MYH15: variants seen among roughly 807,000 people sequenced by gnomAD.
MYH15 encodes myosin-15.
A neutral mutation model predicts 240.5 loss-of-function variants in MYH15; 227 were observed. The ratio of observed to expected loss-of-function variants is 0.94; its 90% CI spans 0.85 to 1.05. MYH15 has a LOEUF of 1.05. Among genes scored for constraint, MYH15 ranks in the 50% least tolerant of loss-of-function variants. The probability of loss-of-function intolerance (pLI) is 0.00; values close to 1 mark genes in which losing one functional copy is unlikely to be tolerated. For synonymous variants in MYH15, 785 were observed against 796.7 expected (o/e 0.99, Z 0.25); for missense variants, 2,217 against 2,247.5 (o/e 0.99, Z 0.27).
chr3:108,474,879 A>C (rs963430033), intron 12 of MYH15, among the ~76,000 whole-genome samples: 3 of 152,206 alleles, frequency 2.0e-5, no homozygotes, highest in African/African-American at 7.2e-5. Flanking sequence ...TACGGCTTAC[A>C]GGGCATTGTT....
At chr3:108,451,616 T>C (rs2082974457) in intron 21 of MYH15, among the ~76,000 whole-genome samples, 1 of 152,172 alleles carries the variant, frequency 6.6e-6, no homozygotes, top group Admixed American at 6.5e-5. Context: ...AGACCAGTTA[T>C]AAACTGGTTC....
intron 1 of MYH15, among the ~76,000 whole-genome samples, chr3:108,517,031 C>T (rs2083578514): frequency 1.3e-5 from 2 of 152,166 alleles, no homozygotes; most frequent in South Asian, 4.1e-4. Context: ...TTTTCAGTCT[C>T]TAATCCTACT....
At chr3:108,479,097 G>A (rs1560411923) in intron 11 of MYH15, among the ~76,000 whole-genome samples, 3 of 152,188 alleles carry the variant, frequency 2.0e-5, no homozygotes, top group Non-Finnish European at 4.4e-5. Flanking sequence ...AATGTTTACA[G>A]TTTGCAACCA....
intron 33 of MYH15, among the ~76,000 whole-genome samples, chr3:108,402,468 T>C (rs1242181446): frequency 6.6e-6 from 1 of 152,256 alleles, no homozygotes; most frequent in African/African-American, 2.4e-5. Context: ...TATTTCCTAT[T>C]GTCTATGGCT....
At chr3:108,384,554 A>AT in intron 39 of MYH15, 133 bp downstream of exon 39, 3 of 746,060 alleles carry the variant, frequency 4.0e-6, no homozygotes, top group East Asian at 2.8e-5. Flanking sequence ...GAGAAAAAAA[A>AT]CTGAGGATGA....
At chr3:108,396,346 G>GT (rs35981925) in intron 35 of MYH15, among the ~76,000 whole-genome samples, 1,131 of 15,958 alleles carry the variant, frequency 0.071, 19 homozygotes, top group African/African-American at 0.14. Flanking sequence ...TAGCAGGGTT[G>GT]GGGGGAGACG....
At chr3:108,497,539 AT>A (rs540031988) in intron 6 of MYH15, among the ~76,000 whole-genome samples, 68 of 150,036 alleles carry the variant, frequency 4.5e-4, no homozygotes, top group African/African-American at 1.2e-3. Context: ...ATGAACAAGG[AT>A]TTTTTTTTTA....
chr3:108,494,641 G>T (rs1020823711), intron 7 of MYH15, among the ~76,000 whole-genome samples: 1 of 151,930 alleles, frequency 6.6e-6, no homozygotes, highest in Non-Finnish European at 1.5e-5. Flanking sequence ...CTACAGGTGC[G>T]CACCACCACT....
At chr3:108,544,433 T>C in the MYH15 span, among the ~76,000 whole-genome samples, 5 of 152,174 alleles carry the variant, frequency 3.3e-5, no homozygotes, top group Non-Finnish European at 5.9e-5. Context: ...TGATCATAAG[T>C]TGGGTGGATC....
chr3:108,399,061 C>A lies in MYH15; in HGVS notation c.4929+14G>T, dbSNP rs1263191016. 1.2e-6 allele frequency: 2 copies of A among 1,608,362 alleles called. No homozygotes were observed. On this transcript the variant is annotated intron_variant, in intron 34 of 40. Coordinates refer to ENST00000693548, the MANE Select transcript of MYH15 (RefSeq NM_014981.3). ...TTCCACCCCTCCCTACCCCATCTTA[C>A]AGTTTTAAAATACCTTGATTTGAAT...
chr3:108,461,213 C>T (rs763707282), intron 16 of MYH15, among the ~76,000 whole-genome samples: 1 of 152,096 alleles, frequency 6.6e-6, no homozygotes, highest in Non-Finnish European at 1.5e-5. Flanking sequence ...AGCAACTGTG[C>T]GATGGCAGAT....
chr3:108,511,734 T>C (rs1254142855), upstream of MYH15, among the ~76,000 whole-genome samples: 1 of 152,168 alleles, frequency 6.6e-6, no homozygotes, highest in Non-Finnish European at 1.5e-5. Context: ...GGTGCTGTCT[T>C]TGAGGACAGA....
At chr3:108,536,529 T>C in the MYH15 span, among the ~76,000 whole-genome samples, 1 of 152,188 alleles carries the variant, frequency 6.6e-6, no homozygotes, top group Non-Finnish European at 1.5e-5. Flanking sequence ...AAAGAACTCA[T>C]ACAGGTAAGG....
intron 9 of MYH15, among the ~76,000 whole-genome samples, chr3:108,491,050 G>T (rs1412613751): frequency 6.6e-6 from 1 of 152,044 alleles, no homozygotes; most frequent in Non-Finnish European, 1.5e-5. Flanking sequence ...ACCATGCCTG[G>T]CTAAGTTTTG....
chr3:108,440,968 G>A, intron 23 of MYH15, 50 bp downstream of exon 23: 1 of 1,605,858 alleles, frequency 6.2e-7, no homozygotes, highest in Non-Finnish European at 8.5e-7. Flanking sequence ...TGATTTGAGA[G>A]TGGAATTCTG....
At chr3:108,498,769 C>T (rs72941738) in intron 5 of MYH15, among the ~76,000 whole-genome samples, 6 of 152,200 alleles carry the variant, frequency 3.9e-5, no homozygotes, top group Non-Finnish European at 8.8e-5. Context: ...AATTCTGAGA[C>T]CTCATGATCC....
At chr3:108,510,776 G>T (rs1332260310), upstream of MYH15, among the ~76,000 whole-genome samples, 4 of 152,050 alleles carry the variant, frequency 2.6e-5, no homozygotes, top group East Asian at 1.9e-4. Context: ...ACTCTAGCAG[G>T]GCTGACTTAC....
intron 18 of MYH15, 151 bp downstream of exon 18, chr3:108,459,211 A>G (rs997828152): frequency 1.6e-5 from 9 of 567,990 alleles, no homozygotes; most frequent in Non-Finnish European, 2.1e-5. Context: ...AGGAGGTTCC[A>G]AAGACCTCAT....
chr3:108,405,177 G>A (rs917522734), intron 33 of MYH15, 161 bp downstream of exon 33: 15 of 408,754 alleles, frequency 3.7e-5, no homozygotes, highest in East Asian at 2.1e-4. Context: ...ATCTATACAC[G>A]ATTATAGATA....
Sources: allele counts gnomAD v4.1 joint callset (sites outside exome capture counted in the v4.1 genomes callset), GRCh38; gene constraint gnomAD v4.1.1; transcripts MANE v1.5; gene names NCBI Gene and HGNC (gene_info 2026-07-23, HGNC 2026-07-21).